Variants in NTM observed in about 807,000 individuals in gnomAD.
The protein encoded by NTM is neurotrimin.
A neutral mutation model predicts 42.1 loss-of-function variants in NTM; 13 were observed. The ratio of observed to expected loss-of-function variants is 0.31; its 90% CI spans 0.20 to 0.49. The LOEUF (loss-of-function observed/expected upper bound fraction) is 0.49. Ranked by LOEUF, NTM falls within the 20% of genes least tolerant of loss-of-function variation. The pLI is 0.99. For missense variants in NTM, 373 were observed against 452.8 expected (o/e 0.82, Z 1.60); for synonymous variants, 187 against 179.2 (o/e 1.04, Z -0.35).
chr11:132,005,111 C>A (rs914952790), intron 2 of NTM, among the ~76,000 whole-genome samples: 2 of 152,110 alleles, frequency 1.3e-5, no homozygotes, highest in Non-Finnish European at 2.9e-5. Context: ...ATAGTATTGA[C>A]ACAGCTGGTC....
chr11:132,139,914 C>T (rs2068745052), intron 2 of NTM, among the ~76,000 whole-genome samples: 1 of 152,170 alleles, frequency 6.6e-6, no homozygotes, highest in Admixed American at 6.5e-5. Context: ...AGACATGATC[C>T]TTGCTTTTCA....
chr11:132,244,686 G>C (rs901711203), intron 4 of NTM, among the ~76,000 whole-genome samples: 5 of 152,182 alleles, frequency 3.3e-5, no homozygotes, highest in Non-Finnish European at 7.3e-5. Context: ...TAGCTTCTCT[G>C]TACATAGGAG....
At chr11:132,221,179 C>T (rs921269) in intron 4 of NTM, among the ~76,000 whole-genome samples, 43,327 of 152,004 alleles carry the variant, frequency 0.29, 6,343 homozygotes, top group African/African-American at 0.34. Context: ...TGACCCATGA[C>T]GACTGCCTTT....
intron 2 of NTM, among the ~76,000 whole-genome samples, chr11:131,973,182 G>A (rs2063804827): frequency 6.6e-6 from 1 of 152,174 alleles, no homozygotes; most frequent in African/African-American, 2.4e-5. Flanking sequence ...CTGCGCACAA[G>A]TGAAGTGGAA....
intron 1 of NTM, among the ~76,000 whole-genome samples, chr11:131,787,876 G>A (rs7945105): frequency 0.36 from 55,249 of 152,048 alleles, 10,694 homozygotes; most frequent in East Asian, 0.56. Flanking sequence ...TTGGTAGTTA[G>A]CATTTTGCTA....
intron 4 of NTM, among the ~76,000 whole-genome samples, chr11:132,273,813 A>G (rs2093604893): frequency 6.6e-6 from 1 of 152,136 alleles, no homozygotes; most frequent in Non-Finnish European, 1.5e-5. Flanking sequence ...AGGCTGAGGT[A>G]GGAGAATTGC....
intron 1 of NTM, among the ~76,000 whole-genome samples, chr11:131,667,921 A>C (rs887589997): frequency 6.6e-6 from 1 of 152,148 alleles, no homozygotes; most frequent in Non-Finnish European, 1.5e-5. Flanking sequence ...TGATTAGTTG[A>C]ACTCCAAGGG....
At chr11:131,785,531 G>A (rs753186807) in intron 1 of NTM, among the ~76,000 whole-genome samples, 2 of 152,152 alleles carry the variant, frequency 1.3e-5, no homozygotes, top group Non-Finnish European at 2.9e-5. Context: ...AGAGCATGCT[G>A]GTTTTCTGAA....
intron 4 of NTM, among the ~76,000 whole-genome samples, chr11:132,291,392 GA>G (rs1385838786): frequency 1.3e-5 from 2 of 152,092 alleles, no homozygotes; most frequent in South Asian, 4.1e-4. Flanking sequence ...ATGAATAAGA[GA>G]AAAACTGAAG....
chr11:131,558,269 C>T (rs2055725827), intron 1 of NTM, among the ~76,000 whole-genome samples: 1 of 152,122 alleles, frequency 6.6e-6, no homozygotes, highest in Non-Finnish European at 1.5e-5. Flanking sequence ...CCAGCCTGGA[C>T]ACTCTGCACA....
chr11:131,372,343 T>C (rs1941330650), intron 1 of NTM, among the ~76,000 whole-genome samples: 1 of 152,124 alleles, frequency 6.6e-6, no homozygotes. Context: ...GCCTCAGGAT[T>C]CCCTGCTGTC....
intron 1 of NTM, among the ~76,000 whole-genome samples, chr11:131,601,343 C>A (rs1406573235): frequency 6.6e-6 from 1 of 152,172 alleles, no homozygotes; most frequent in Non-Finnish European, 1.5e-5. Flanking sequence ...ATAAGTTTGG[C>A]AGAGTCATCT....
intron 1 of NTM, among the ~76,000 whole-genome samples, chr11:131,388,833 G>A (rs1209008791): frequency 6.6e-6 from 1 of 151,462 alleles, no homozygotes; most frequent in African/African-American, 2.4e-5. Context: ...CCAACATGGT[G>A]AAACCTCATC....
chr11:131,434,877 T>G (rs1156267349), intron 1 of NTM, among the ~76,000 whole-genome samples: 1 of 152,262 alleles, frequency 6.6e-6, no homozygotes, highest in African/African-American at 2.4e-5. Context: ...GCCTATGTCC[T>G]GAATGGTATT....
chr11:131,741,041 T>A (rs2081116294), intron 1 of NTM, among the ~76,000 whole-genome samples: 1 of 152,148 alleles, frequency 6.6e-6, no homozygotes, highest in Non-Finnish European at 1.5e-5. Context: ...GGCAAGTGCC[T>A]GTAATCCCAG....
rs751923995 is a variant in NTM at position 132,002,109 on chromosome 11, G to A, written c.167+90461G>A. 1.3e-5 allele frequency among the ~76,000 whole-genome samples: 2 copies of A among 152,078 alleles called. No homozygotes were observed. The highest frequency in any genetic ancestry group is 2.4e-5 in the African/African-American group (1 of 41,416). ...AGAGTTGATGCTGTCCATGGCAACC[G>A]GGGCTGGAAATTATGCTGCCTGAAG... On this transcript the variant is annotated intron_variant, in intron 2 of 8. Transcript: ENST00000683400. This position sits in a 1 kb window ranked among gnomAD's most constrained non-coding sequence, Gnocchi z 4.5.
At chr11:131,889,179 C>T (rs1226454164) in intron 1 of NTM, among the ~76,000 whole-genome samples, 2 of 152,188 alleles carry the variant, frequency 1.3e-5, no homozygotes, top group African/African-American at 4.8e-5. Context: ...GGACAGAGAT[C>T]AGAAACATCT....
At chr11:131,792,915 A>C (rs893172643) in intron 1 of NTM, among the ~76,000 whole-genome samples, 1 of 152,234 alleles carries the variant, frequency 6.6e-6, no homozygotes, top group Non-Finnish European at 1.5e-5. Context: ...TAAGTTGCTT[A>C]ATTTCTCTTA....
chr11:132,065,191 C>T (rs1453250349), intron 2 of NTM, among the ~76,000 whole-genome samples: 2 of 152,190 alleles, frequency 1.3e-5, no homozygotes, highest in Non-Finnish European at 2.9e-5. Flanking sequence ...AACATTGTGA[C>T]ATTTCATGAC....
Sources: gnomAD v4.1 joint callset for allele counts (sites outside exome capture counted in the v4.1 genomes callset) on GRCh38, gnomAD v4.1.1 for gene constraint, Gnocchi (gnomAD v3.1) non-coding constraint, MANE v1.5 for transcripts, NCBI Gene and HGNC (gene_info 2026-07-23, HGNC 2026-07-21) for gene names.